Variants in E2F2 observed in about 807,000 individuals in gnomAD.
E2F2 encodes E2F transcription factor 2.
In E2F2, 22 loss-of-function variants were observed where a neutral mutation model predicts 42.2. The observed-to-expected ratio is 0.52, with a 90% CI of 0.37 to 0.74. The LOEUF is 0.74. Ranked by LOEUF, E2F2 falls within the 30% of genes least tolerant of loss-of-function variation. The probability of loss-of-function intolerance (pLI) is 0.00; values close to 1 mark genes in which losing one functional copy is unlikely to be tolerated. For missense variants in E2F2, 481 were observed against 557.8 expected (o/e 0.86, Z 1.39); for synonymous variants, 248 against 251.6 (o/e 0.99, Z 0.13).
Position 23,510,016 on chromosome 1 carries a change from G to A in E2F2, c.1178C>T (p.Thr393Ile). Reference protein sequence around the residue: ...QQTEDQFLSPTLACSSPLISF... With the variant: ...QQTEDQFLSPILACSSPLISF... ...GATCAGAGGGGAGCTGCACGCCAGG[G>A]TCGGGGACAGGAACTGGTCCTCAGT... The change falls in exon 7 of 7, where the codon ACC becomes ATC. Residue 393 changes from threonine (T) to isoleucine (I), a missense_variant. Transcript: ENST00000361729. 2.5e-6 allele frequency: 4 copies of A among 1,613,730 alleles called. No homozygotes were observed. Among genetic ancestry groups the A allele is most frequent in the Non-Finnish European group, 3.4e-6 (4 of 1,179,920 alleles).
Position 23,514,833 on chromosome 1 carries a change from CAAAAA to C in E2F2, c.1045+1497_1045+1501del, listed in dbSNP as rs74604082. On this transcript the variant is annotated intron_variant, in intron 6 of 6. Transcript: ENST00000361729. The stretch of plus-strand genomic sequence containing the variant: ...GCCTGGTGACGGAGCGAGACTGTCT[CAAAAA>C]AAAAAAAAAAAAAAAAAGCTGGAGA... Among the ~76,000 whole-genome samples, 3 of 46,748 alleles carry C rather than the reference CAAAAA, an allele frequency of 6.4e-5. 1 individual carries two copies. The South Asian group carries it at 2.3e-3, about 36-fold the overall frequency. 30.7% of individuals were successfully genotyped at this position (46,748 alleles called of 152,430 possible).
intron 5 of E2F2, among the ~76,000 whole-genome samples, chr1:23,516,798 C>CCG (rs1395653584): frequency 1.2e-5 from 1 of 81,782 alleles, no homozygotes; most frequent in Non-Finnish European, 2.2e-5. Flanking sequence ...AGTTTTGGGG[C>CCG]GGGGGGGGGG....
At chr1:23,525,191 C>A (rs931833180) in intron 1 of E2F2, among the ~76,000 whole-genome samples, 1 of 136,470 alleles carries the variant, frequency 7.3e-6, no homozygotes, top group Admixed American at 7.5e-5. Context: ...TGAGGCCACC[C>A]CCCCCCTCCA....
At chr1:23,518,093 C>A (rs1475226953) in intron 5 of E2F2, among the ~76,000 whole-genome samples, 1 of 152,130 alleles carries the variant, frequency 6.6e-6, no homozygotes, top group Non-Finnish European at 1.5e-5. Context: ...ATGGCTTGAA[C>A]CCGGGAGGCA....
intron 1 of E2F2, among the ~76,000 whole-genome samples, chr1:23,529,489 G>A (rs1643303999): frequency 6.6e-6 from 1 of 152,046 alleles, no homozygotes; most frequent in African/African-American, 2.4e-5. Context: ...AGTGGGGGGT[G>A]GTCTTATCCC....
At chr1:23,506,139 T>G (rs1264362605), downstream of E2F2, among the ~76,000 whole-genome samples, 1 of 152,022 alleles carries the variant, frequency 6.6e-6, no homozygotes, top group Non-Finnish European at 1.5e-5. Flanking sequence ...GACCCACTGA[T>G]GTAGAGGGTG....
At chr1:23,517,894 G>A (rs148162616) in intron 5 of E2F2, among the ~76,000 whole-genome samples, 2 of 152,344 alleles carry the variant, frequency 1.3e-5, no homozygotes, top group African/African-American at 2.4e-5. Context: ...GCACGGCTAG[G>A]TGCGGTGGTT....
chr1:23,529,358 G>A (rs1041646085), intron 1 of E2F2, among the ~76,000 whole-genome samples: 4 of 152,156 alleles, frequency 2.6e-5, no homozygotes, highest in Non-Finnish European at 4.4e-5. Flanking sequence ...GAAGGTTAAC[G>A]TTTTGAACAT....
At position 23,531,021 on chromosome 1, in the gene E2F2, G is replaced by T; in HGVS notation, c.-228C>A. ...AGATCGCCCGGCGGCTGCGGTGGTG[G>T]CACTGCCAGGGGCTGTCTCGTCCCG... On this transcript the variant is annotated 5_prime_UTR_variant, in exon 1 of 7. Transcript: ENST00000361729. 4.2e-6 allele frequency: 2 copies of T among 479,350 alleles called. No homozygotes were observed. Among genetic ancestry groups the T allele is most frequent in the Non-Finnish European group, 7.0e-6 (2 of 285,860 alleles). The allele number at this position is 479,350 out of a possible 1,614,324, so 29.7% of individuals were successfully genotyped here.
intron 1 of E2F2, among the ~76,000 whole-genome samples, chr1:23,525,091 C>T (rs1324918466): frequency 6.6e-6 from 1 of 152,200 alleles, no homozygotes; most frequent in African/African-American, 2.4e-5. Flanking sequence ...TTGAGGGCCC[C>T]AGGGCCTCCT....
intron 1 of E2F2, among the ~76,000 whole-genome samples, chr1:23,524,710 C>T (rs567762083): frequency 1.3e-5 from 2 of 152,328 alleles, no homozygotes; most frequent in Admixed American, 6.5e-5. Flanking sequence ...AAATAAAACT[C>T]CCATCCTCTG....
intron 5 of E2F2, among the ~76,000 whole-genome samples, chr1:23,518,583 G>C (rs1210659442): frequency 6.6e-6 from 1 of 152,146 alleles, no homozygotes; most frequent in Non-Finnish European, 1.5e-5. Context: ...CCAAAACAAA[G>C]ACAGATGGGG....
In E2F2 at chr1:23,511,304, G is replaced by A. The variant is rs568258290; in HGVS notation, c.1046-1156C>T. On this transcript the variant is annotated intron_variant, in intron 6 of 6. Transcript: ENST00000361729. Reference sequence around the variant, plus strand: ...GTACAGAGTGCAGTAGGGTGAACACGGCTCACTGCAGCCTCAACCTTCTGG... The same window carrying A: ...GTACAGAGTGCAGTAGGGTGAACACAGCTCACTGCAGCCTCAACCTTCTGG... Among the ~76,000 whole-genome samples, 76 of 151,782 alleles carry A rather than the reference G, an allele frequency of 5.0e-4. 3 individuals are homozygous for A. Among genetic ancestry groups the A allele is most frequent in the East Asian group, 1.9e-3 (10 of 5,170 alleles).
At chr1:23,516,568 T>C in intron 5 of E2F2, 41 bp from the exon 6 acceptor site, 3 of 1,528,882 alleles carry the variant, frequency 2.0e-6, no homozygotes, top group South Asian at 1.2e-5. Flanking sequence ...TCTGGGCAGC[T>C]GGACACTTAC....
At chr1:23,515,804 T>C (rs575383170) in intron 6 of E2F2, among the ~76,000 whole-genome samples, 4 of 152,274 alleles carry the variant, frequency 2.6e-5, no homozygotes, top group Non-Finnish European at 5.9e-5. Context: ...ATGGCTCAAG[T>C]GTTCCTCCCA....
At chr1:23,513,562 ATGTGTGTGTGTGTGTGTG>A (rs71023281) in intron 6 of E2F2, among the ~76,000 whole-genome samples, 121 of 135,284 alleles carry the variant, frequency 8.9e-4, no homozygotes, top group African/African-American at 3.2e-3. Flanking sequence ...AGCACGGAAC[ATGTGTGTGTGTGTGTGTG>A]TGTGTGTGTG....
intron 6 of E2F2, among the ~76,000 whole-genome samples, chr1:23,513,562 A>ATATG (rs1491531245): frequency 2.2e-5 from 3 of 135,186 alleles, no homozygotes; most frequent in Admixed American, 7.5e-5. Flanking sequence ...AGCACGGAAC[A>ATATG]TGTGTGTGTG....
intron 1 of E2F2, among the ~76,000 whole-genome samples, chr1:23,525,196 C>CG (rs1479524356): frequency 6.7e-6 from 1 of 149,726 alleles, no homozygotes; most frequent in Non-Finnish European, 1.5e-5. Context: ...CCACCCCCCC[C>CG]CTCCAGCTCC....
In E2F2 at chr1:23,522,040, C is replaced by A; in HGVS notation, c.375G>T (p.Gly125=). The change falls in exon 3 of 7, where the codon GGG becomes GGT. Residue 125 remains glycine (G), a synonymous_variant. Transcript: ENST00000361729. ...GCGAAGTGTCATACCGAGTCTTCTC[C>A]CCGGGGGATTTGGGGGCTGAAGAAG... ...LPSPKTPKSP[G]EKTRYDTSLG... The A allele has an allele frequency of 6.2e-7, 1 of 1,614,094 alleles. No homozygotes were observed.
Sources: allele counts gnomAD v4.1 joint callset (sites outside exome capture counted in the v4.1 genomes callset), GRCh38; gene constraint gnomAD v4.1.1; transcripts MANE v1.5; gene names NCBI Gene and HGNC (gene_info 2026-07-23, HGNC 2026-07-21).